Variants in SYT16 observed in about 807,000 individuals in gnomAD.
SYT16 encodes the protein synaptotagmin 16, also known as synaptotagmin-16.
A neutral mutation model predicts 61.4 loss-of-function variants in SYT16; 42 were observed. The observed-to-expected ratio is 0.68, with a 90% CI of 0.53 to 0.89. SYT16 has a LOEUF of 0.89. Among genes scored for constraint, SYT16 ranks in the 40% least tolerant of loss-of-function variants. The pLI, the probability that SYT16 is intolerant of heterozygous loss-of-function variation, is 0.00. For missense variants in SYT16, 804 were observed against 807.3 expected, an observed-to-expected ratio of 1.00 and a Z score of 0.05; for synonymous variants, 314 against 302.3, an observed-to-expected ratio of 1.04 and a Z score of -0.40.
At chr14:61,917,493 T>A (rs2049166074) in intron 1 of SYT16, among the ~76,000 whole-genome samples, 1 of 152,128 alleles carries the variant, frequency 6.6e-6, no homozygotes, top group Non-Finnish European at 1.5e-5. Context: ...GGAGCTATGA[T>A]CATAGAAGCC....
chr14:62,011,105 C>T (rs1198394395), intron 3 of SYT16, among the ~76,000 whole-genome samples: 1 of 152,082 alleles, frequency 6.6e-6, no homozygotes, highest in Non-Finnish European at 1.5e-5. Context: ...GCTATTTACA[C>T]AATTGAACTA....
intron 2 of SYT16, among the ~76,000 whole-genome samples, chr14:61,992,669 G>A (rs1372373982): frequency 6.6e-6 from 1 of 152,100 alleles, no homozygotes; most frequent in Admixed American, 6.6e-5. Flanking sequence ...TTCTCCTCTT[G>A]TATGCCACAG....
At chr14:61,932,145 T>G (rs940240571) in intron 1 of SYT16, among the ~76,000 whole-genome samples, 2 of 152,150 alleles carry the variant, frequency 1.3e-5, no homozygotes, top group African/African-American at 4.8e-5. Context: ...ACCCAGCTCC[T>G]TCATAACCGA....
chr14:61,972,617 G>A (rs747831341), intron 2 of SYT16, among the ~76,000 whole-genome samples: 3 of 152,162 alleles, frequency 2.0e-5, no homozygotes, highest in Admixed American at 2.0e-4. Context: ...AAAAGTCTTT[G>A]AAAAACGTGC....
intron 1 of SYT16, among the ~76,000 whole-genome samples, chr14:61,833,067 A>C (rs939693390): frequency 6.6e-6 from 1 of 152,100 alleles, no homozygotes; most frequent in African/African-American, 2.4e-5. Flanking sequence ...GTTTTCCATA[A>C]GCTTTGAGCT....
At chr14:61,855,853 C>T (rs1043579817) in intron 1 of SYT16, among the ~76,000 whole-genome samples, 3 of 152,192 alleles carry the variant, frequency 2.0e-5, no homozygotes, top group African/African-American at 4.8e-5. Context: ...AAAGAGGGTC[C>T]AGTCCTTTTG....
At chr14:61,914,605 G>C (rs2049049977) in intron 1 of SYT16, among the ~76,000 whole-genome samples, 1 of 132,710 alleles carries the variant, frequency 7.5e-6, no homozygotes. Flanking sequence ...TCTGTTGGCT[G>C]AGGCCAAAAA....
intron 1 of SYT16, among the ~76,000 whole-genome samples, chr14:61,889,525 A>G (rs1005980858): frequency 1.3e-5 from 2 of 151,978 alleles, no homozygotes; most frequent in East Asian, 1.9e-4. Flanking sequence ...TTCTTTCTCT[A>G]TTAGTTCCTG....
At chr14:61,947,895 T>C (rs1272485868) in intron 1 of SYT16, among the ~76,000 whole-genome samples, 1 of 152,136 alleles carries the variant, frequency 6.6e-6, no homozygotes, top group East Asian at 1.9e-4. Context: ...ACAACATGAG[T>C]AGGACTTTAC....
At chr14:61,834,763 A>T (rs1427555331) in intron 1 of SYT16, among the ~76,000 whole-genome samples, 1 of 152,104 alleles carries the variant, frequency 6.6e-6, no homozygotes, top group African/African-American at 2.4e-5. Context: ...ATACCAGATC[A>T]CCCATCCATC....
intron 3 of SYT16, among the ~76,000 whole-genome samples, chr14:62,000,896 C>T (rs1414269363): frequency 6.6e-6 from 1 of 152,088 alleles, no homozygotes; most frequent in Non-Finnish European, 1.5e-5. Context: ...GTATAATACG[C>T]TGATACTGCT....
At chr14:62,091,706 A>C (rs1189101762) in intron 7 of SYT16, among the ~76,000 whole-genome samples, 4 of 152,224 alleles carry the variant, frequency 2.6e-5, no homozygotes, top group African/African-American at 9.6e-5. Context: ...AAATGAACTC[A>C]AAATGGATGA....
intron 1 of SYT16, among the ~76,000 whole-genome samples, chr14:61,921,911 G>C (rs2049347489): frequency 6.6e-6 from 1 of 152,180 alleles, no homozygotes; most frequent in African/African-American, 2.4e-5. Flanking sequence ...TCAAGTCTTA[G>C]CTTCAATAAA....
chr14:62,014,231 A>T (rs1051436309), intron 3 of SYT16, among the ~76,000 whole-genome samples: 3 of 152,188 alleles, frequency 2.0e-5, no homozygotes. Flanking sequence ...TATCACATAC[A>T]TGTTTAAAAA....
At chr14:61,822,652 A>C (rs2045652646) in intron 1 of SYT16, among the ~76,000 whole-genome samples, 1 of 152,236 alleles carries the variant, frequency 6.6e-6, no homozygotes, top group Non-Finnish European at 1.5e-5. Context: ...GCTATTGGGG[A>C]AGTCCATCTG....
chr14:62,017,446 A>G (rs1049311573), intron 3 of SYT16, among the ~76,000 whole-genome samples: 1 of 152,200 alleles, frequency 6.6e-6, no homozygotes, highest in Admixed American at 6.5e-5. Flanking sequence ...TGTCTAACAG[A>G]TACCTCAAAA....
At chr14:61,914,991 C>T (rs186625486) in intron 1 of SYT16, among the ~76,000 whole-genome samples, 1 of 152,312 alleles carries the variant, frequency 6.6e-6, no homozygotes, top group African/African-American at 2.4e-5. Context: ...TCCTCCAACT[C>T]TTCCCTTATC....
chr14:61,930,573 A>C (rs893149801), intron 1 of SYT16, among the ~76,000 whole-genome samples: 2 of 152,048 alleles, frequency 1.3e-5, no homozygotes, highest in Non-Finnish European at 2.9e-5. Flanking sequence ...TGGTTCTAGT[A>C]GGCCGAATAG....
chr14:62,031,585 A>G (rs746320318), intron 3 of SYT16, among the ~76,000 whole-genome samples: 1 of 152,174 alleles, frequency 6.6e-6, no homozygotes, highest in East Asian at 1.9e-4. Flanking sequence ...GTTAAAATCC[A>G]GGAGAGTCCC....
Sources: gnomAD v4.1 joint callset for allele counts (sites outside exome capture counted in the v4.1 genomes callset) on GRCh38, gnomAD v4.1.1 for gene constraint, MANE v1.5 for transcripts, NCBI Gene and HGNC (gene_info 2026-07-23, HGNC 2026-07-21) for gene names.